CSMD2: variants seen among roughly 807,000 people sequenced by gnomAD.
The protein encoded by CSMD2 is CUB and Sushi multiple domains 2.
CSMD2 carries 130 observed loss-of-function variants against 398.5 expected under a neutral mutation model. The observed-to-expected ratio is 0.33, with a 90% confidence interval of 0.28 to 0.38. The LOEUF (loss-of-function observed/expected upper bound fraction) is 0.38. CSMD2 is among the 10% of genes least tolerant of loss of function. CSMD2 has a pLI of 1.00. For synonymous variants in CSMD2, 1,828 were observed against 1,908.5 expected, an observed-to-expected ratio of 0.96 and a Z score of 1.10; for missense variants, 3,829 against 4,764.9, an observed-to-expected ratio of 0.80 and a Z score of 5.78.
At position 33,724,331 on chromosome 1, in the gene CSMD2, A is replaced by C; in HGVS notation, c.2885-18T>G. On this transcript the variant is annotated intron_variant, in intron 18 of 70. Transcript: ENST00000373381. ...ACAGAGAGCTACAGAAGGAGTGAAG[A>C]GGGCAGTGAAAGACCAGAGGGCCTC... 2 of 1,591,290 alleles carry C rather than the reference A, an allele frequency of 1.3e-6. No homozygotes were observed. Among genetic ancestry groups the C allele is most frequent in the Middle Eastern group, 1.7e-4 (1 of 6,006 alleles).
At chr1:34,082,300 G>A (rs1231779702) in intron 2 of CSMD2, among the ~76,000 whole-genome samples, 1 of 151,138 alleles carries the variant, frequency 6.6e-6, no homozygotes, top group East Asian at 2.0e-4. Flanking sequence ...TGAGAAGTGA[G>A]GAGCCCCTCT....
intron 44 of CSMD2, among the ~76,000 whole-genome samples, chr1:33,590,805 G>T (rs1341799593): frequency 6.6e-6 from 1 of 151,960 alleles, no homozygotes; most frequent in Non-Finnish European, 1.5e-5. Flanking sequence ...CCAGATTCTG[G>T]TGTGTGTGAA....
intron 10 of CSMD2, among the ~76,000 whole-genome samples, chr1:33,799,128 T>G (rs1655297271): frequency 6.6e-6 from 1 of 152,244 alleles, no homozygotes; most frequent in African/African-American, 2.4e-5. Flanking sequence ...AGACCAAATC[T>G]GTCCTATAGC....
In CSMD2 at chr1:33,625,534, A is replaced by G. The variant is rs759966314; in HGVS notation, c.5297-280T>C. 2.6e-4 allele frequency among the ~76,000 whole-genome samples: 40 copies of G among 152,248 alleles called. No homozygotes were observed. The Middle Eastern group carries it at 0.01, about 39-fold the overall frequency. On this transcript the variant is annotated intron_variant, in intron 33 of 70. Transcript: ENST00000373381. ...CCCAGTTTTGTTCTTTGCTTTCCCA[A>G]CGACGCCCCTCACTCATCAGGGTCC...
chr1:33,755,635 C>T (rs961342293), intron 13 of CSMD2, among the ~76,000 whole-genome samples: 3 of 152,032 alleles, frequency 2.0e-5, no homozygotes, highest in Non-Finnish European at 2.9e-5. Flanking sequence ...AAATTGTGCC[C>T]AAGTTATTTT....
At chr1:34,150,084 T>TTC (rs377157047) in intron 1 of CSMD2, among the ~76,000 whole-genome samples, 8 of 138,972 alleles carry the variant, frequency 5.8e-5, no homozygotes, top group Non-Finnish European at 6.3e-5. Context: ...TCTTTCTTTT[T>TTC]TTTTTGTTTT....
intron 19 of CSMD2, among the ~76,000 whole-genome samples, chr1:33,720,571 A>G (rs1646327592): frequency 6.6e-6 from 1 of 152,228 alleles, no homozygotes; most frequent in Admixed American, 6.5e-5. Context: ...GCTCTAGAGG[A>G]GAAGGGAAGC....
intron 15 of CSMD2, among the ~76,000 whole-genome samples, chr1:33,731,519 T>C (rs1646718313): frequency 6.6e-6 from 1 of 152,096 alleles, no homozygotes; most frequent in African/African-American, 2.4e-5. Context: ...GAGAGACAAT[T>C]GTGTTAAACA....
rs201627695 is a variant in CSMD2, at chr1:33,625,072, C to T, written c.5479G>A (p.Val1827Ile). The change falls in exon 34 of 71, where the codon GTC becomes ATC. Residue 1827 changes from valine to isoleucine, a missense_variant. Transcript: ENST00000373381. ...TCACCCACACACGTGGGCGCTGAGACATTCCATTGGGCCAAGGCCCCAGGC... is the reference window on the plus strand; with the variant it reads ...TCACCCACACACGTGGGCGCTGAGATATTCCATTGGGCCAAGGCCCCAGGC... Reference protein sequence around the residue: ...PVPGALAQWNVSAPTCVVPCG... With the variant: ...PVPGALAQWNISAPTCVVPCG... 2 of 1,614,088 alleles carry T rather than the reference C, an allele frequency of 1.2e-6. No homozygotes were observed. Among genetic ancestry groups the T allele is most frequent in the East Asian group, 2.2e-5 (1 of 44,856 alleles).
In CSMD2 at chr1:33,611,520, A is replaced by G. The variant is rs1434706175; in HGVS notation, c.6134-270T>C. On this transcript the variant is annotated intron_variant, in intron 40 of 70. Coordinates refer to ENST00000373381, the MANE Select transcript of CSMD2 (RefSeq NM_001281956.2). Reference sequence around the variant, plus strand: ...TGGAGTTCATTTTATTTTGTTGAAAACAAAGTTCAGGGTCAACACTTGTTT... The same window carrying G: ...TGGAGTTCATTTTATTTTGTTGAAAGCAAAGTTCAGGGTCAACACTTGTTT... 5.3e-5 allele frequency among the ~76,000 whole-genome samples: 8 copies of G among 152,374 alleles called. No homozygotes were observed. In the East Asian group the frequency reaches 1.5e-3, roughly 29 times the overall value.
intron 32 of CSMD2, among the ~76,000 whole-genome samples, chr1:33,631,518 A>T (rs1401090907): frequency 1.3e-5 from 2 of 152,154 alleles, no homozygotes; most frequent in Non-Finnish European, 2.9e-5. Flanking sequence ...TACAAAGCAA[A>T]TATGCCAAAA....
chr1:34,102,649 A>AATCCGGCCATATCCCTGTG (rs1558390565), intron 1 of CSMD2, among the ~76,000 whole-genome samples: 3,397 of 56,434 alleles, frequency 0.06, 97 homozygotes, highest in East Asian at 0.16. Flanking sequence ...ATATCCCTGT[A>AATCCGGCCATATCCCTGTG]ATCCAACCAT....
chr1:34,005,085 T>C (rs1205701967), intron 3 of CSMD2, among the ~76,000 whole-genome samples: 2 of 152,052 alleles, frequency 1.3e-5, no homozygotes, highest in South Asian at 2.1e-4. Context: ...ATGAACAGAG[T>C]TCCCATTTAA....
At chr1:34,025,367 A>C (rs1312216534) in intron 3 of CSMD2, among the ~76,000 whole-genome samples, 2 of 152,216 alleles carry the variant, frequency 1.3e-5, no homozygotes, top group Non-Finnish European at 2.9e-5. Flanking sequence ...CGTGACAATG[A>C]AAATGAAGCT....
At chr1:33,787,034 T>C (rs1056769681) in intron 12 of CSMD2, among the ~76,000 whole-genome samples, 1 of 152,184 alleles carries the variant, frequency 6.6e-6, no homozygotes, top group Non-Finnish European at 1.5e-5. Flanking sequence ...CTTAGTCTAA[T>C]ATGCTGGTGT....
At chr1:34,094,904 C>T (rs1191298764) in intron 1 of CSMD2, among the ~76,000 whole-genome samples, 3 of 149,066 alleles carry the variant, frequency 2.0e-5, no homozygotes, top group East Asian at 2.0e-4. Context: ...CTGCAGCAAG[C>T]GGACCTAATA....
At chr1:33,716,218 C>G (rs533764414) in intron 20 of CSMD2, 68 bp downstream of exon 20, 27 of 1,313,534 alleles carry the variant, frequency 2.1e-5, no homozygotes, top group Non-Finnish European at 2.5e-5. Context: ...AAACCAGAGA[C>G]TGGTAGCAGA....
intron 5 of CSMD2, chr1:33,864,427 T>C (rs759377776): frequency 6.8e-6 from 11 of 1,613,358 alleles, no homozygotes; most frequent in South Asian, 6.6e-5. Flanking sequence ...ATGAATTATG[T>C]TGGCAAGAGG....
In CSMD2 at chr1:33,542,761, G is replaced by A. The variant is rs893582249; in HGVS notation, c.9236C>T (p.Ser3079Leu). Residue 3079 changes from serine (S) to leucine (L), a missense_variant, in exon 58 of 71, where the codon TCG becomes TTG. Ser to Leu is a moderately radical substitution (Grantham distance 145). Around this residue, in one of 5 missense-constraint regions of CSMD2, gnomAD observed 917 missense variants for 1,199.5 expected, o/e 0.76. Coordinates refer to ENST00000373381, the MANE Select transcript of CSMD2 (RefSeq NM_001281956.2). ...ACTGCCTGTCCAGGTACCATTGACC[G>A]AGCAGTGACGGCTGAGCAGGCCTGT... ...YATGLLSRHC[S>L]VNGTWTGSDP... 6 of 1,613,906 alleles carry A rather than the reference G, an allele frequency of 3.7e-6. No individual in the cohort carries two copies. Among genetic ancestry groups the A allele is most frequent in the African/African-American group, 1.3e-5 (1 of 74,904 alleles).
Sources: allele counts gnomAD v4.1 joint callset (sites outside exome capture counted in the v4.1 genomes callset), GRCh38; gene constraint gnomAD v4.1.1; regional missense constraint gnomAD v4.1.1; transcripts MANE v1.5; gene names NCBI Gene and HGNC (gene_info 2026-07-23, HGNC 2026-07-21).